The following ARHGEF10L variants were observed in gnomAD, a reference collection of about 807,000 sequenced individuals.
ARHGEF10L encodes Rho guanine nucleotide exchange factor 10 like.
A neutral mutation model predicts 141.2 loss-of-function variants in ARHGEF10L; 69 were observed. The observed-to-expected ratio is 0.49, with a 90% CI of 0.40 to 0.60. The LOEUF is 0.60. Among genes scored for constraint, ARHGEF10L ranks in the 20% least tolerant of loss-of-function variants. The pLI is 0.00. For missense variants in ARHGEF10L, 1,482 were observed against 1,734.3 expected, an observed-to-expected ratio of 0.85 and a Z score of 2.58; for synonymous variants, 711 against 718.5, an observed-to-expected ratio of 0.99 and a Z score of 0.17.
chr1:17,590,800 A>G (rs892182057), intron 4 of ARHGEF10L, among the ~76,000 whole-genome samples: 1 of 152,178 alleles, frequency 6.6e-6, no homozygotes, highest in Non-Finnish European at 1.5e-5. Context: ...CAGCCTGGCC[A>G]ACATGGTGAA....
the ARHGEF10L span, among the ~76,000 whole-genome samples, chr1:17,521,791 G>T: frequency 1.3e-5 from 2 of 152,140 alleles, no homozygotes; most frequent in Non-Finnish European, 2.9e-5. Flanking sequence ...TGCTACCATA[G>T]GAGAATGGGG....
At chr1:17,565,921 C>T (rs1010709981) in intron 1 of ARHGEF10L, among the ~76,000 whole-genome samples, 7 of 152,024 alleles carry the variant, frequency 4.6e-5, no homozygotes, top group Non-Finnish European at 7.4e-5. Context: ...GGTGCAGATA[C>T]AGACACAAGT....
At chr1:17,676,716 G>A (rs566461840) in intron 26 of ARHGEF10L, among the ~76,000 whole-genome samples, 1 of 152,098 alleles carries the variant, frequency 6.6e-6, no homozygotes, top group African/African-American at 2.4e-5. Context: ...GGCCCCCCAG[G>A]CTGCACTTGG....
intron 4 of ARHGEF10L, among the ~76,000 whole-genome samples, chr1:17,597,088 G>C (rs1406197394): frequency 6.6e-6 from 1 of 152,052 alleles, no homozygotes; most frequent in Non-Finnish European, 1.5e-5. Context: ...TGCTGGGAGG[G>C]GTCCTTTCCT....
chr1:17,632,377 G>C lies in ARHGEF10L; in HGVS notation c.1641G>C (p.Val547=), dbSNP rs1260753960. ...TGTGTGAGACGTTGACGGAGACCGT[G>C]TACGGTGACCGCGGGCAGCTAATTA... ...LLLCETLTET[V]YGDRGQLIKS... Residue 547 remains valine, a synonymous_variant, in exon 16 of 29, where the codon GTG becomes GTC. Coordinates refer to ENST00000361221, the MANE Select transcript of ARHGEF10L (RefSeq NM_018125.4). 1.2e-6 allele frequency: 2 copies of C among 1,614,220 alleles called. No homozygotes were observed. Among genetic ancestry groups the C allele is most frequent in the East Asian group, 4.5e-5 (2 of 44,872 alleles).
rs2080911929 is a variant in ARHGEF10L at position 17,603,721 on chromosome 1, A to G, written c.433+130A>G. 9 of 843,690 alleles carry G rather than the reference A, an allele frequency of 1.1e-5. No homozygotes were observed. In the South Asian group the frequency reaches 1.9e-4, roughly 17 times the overall value. The allele number at this position is 843,690 out of a possible 1,614,324, so 52.3% of individuals were successfully genotyped here. A position where few individuals can be genotyped will look rare whatever the true frequency, so the allele number is the denominator to read the frequency against. On this transcript the variant is annotated intron_variant, in intron 6 of 28. Transcript: ENST00000361221. The surrounding 1 kb of genome is among the most constrained non-coding windows in gnomAD (Gnocchi z 4.8). Reference sequence around the variant, plus strand: ...AGTGCCCCTCCTTCTTGTCTTTAGAAACAACTGTAGTCATCGGGGAGAATC... The same window carrying G: ...AGTGCCCCTCCTTCTTGTCTTTAGAGACAACTGTAGTCATCGGGGAGAATC...
chr1:17,524,422 A>ACACAC, the ARHGEF10L span, among the ~76,000 whole-genome samples: 15 of 80,804 alleles, frequency 1.9e-4, no homozygotes, highest in Admixed American at 1.7e-3. Flanking sequence ...CACACACACA[A>ACACAC]AATTAGCCTG....
intron 27 of ARHGEF10L, chr1:17,689,997 A>G: frequency 2.8e-6 from 1 of 358,684 alleles, no homozygotes; most frequent in South Asian, 2.1e-5. Context: ...CCCTTTAAGG[A>G]AGGAAGGGCA....
Position 17,558,779 on chromosome 1 carries a change from C to A in ARHGEF10L, c.-44+18829C>A, listed in dbSNP as rs1443164767. Among the ~76,000 whole-genome samples the A allele has an allele frequency of 6.6e-6, 1 of 152,152 alleles. No individual in the cohort carries two copies. Among genetic ancestry groups the A allele is most frequent in the East Asian group, 1.9e-4 (1 of 5,184 alleles). ...TGGGGAGATGAGTCAGAAAGGATGCCCTGTGAACCTCACTGAGGAGCTGTG... is the reference window on the plus strand; with the variant it reads ...TGGGGAGATGAGTCAGAAAGGATGCACTGTGAACCTCACTGAGGAGCTGTG... On this transcript the variant is annotated intron_variant, in intron 1 of 28. Transcript: ENST00000361221. This position sits in a 1 kb window ranked among gnomAD's most constrained non-coding sequence, Gnocchi z 4.2.
At position 17,644,905 on chromosome 1, in the gene ARHGEF10L, T is replaced by G. The variant is rs2061506884; in HGVS notation, c.2273-3649T>G. 6.6e-6 allele frequency among the ~76,000 whole-genome samples: 1 copy of G among 152,152 alleles called. No individual in the cohort carries two copies. Among genetic ancestry groups the G allele is most frequent in the Admixed American group, 6.5e-5 (1 of 15,270 alleles). ...TGCTCACAACTCCAGATGGTTGGCG[T>G]TCCTTCCCCCATTTTCTACATGAGG... On this transcript the variant is annotated intron_variant, in intron 21 of 28. Transcript: ENST00000361221. This position sits in a 1 kb window ranked among gnomAD's most constrained non-coding sequence, Gnocchi z 4.5.
the ARHGEF10L span, among the ~76,000 whole-genome samples, chr1:17,524,682 G>T: frequency 4.6e-5 from 7 of 152,172 alleles, no homozygotes; most frequent in African/African-American, 1.7e-4. Context: ...ACTCACTCAA[G>T]GTCACAGGAC....
chr1:17,619,360 T>C lies in ARHGEF10L; in HGVS notation c.857T>C (p.Met286Thr). ...DVLGDSEEED[M>T]GLLEVSVSDI... ...CCAGGTGACTCGGAGGAGGAGGACA[T>C]GGGGCTCCTGGAGGTCAGCGTTTCG... Residue 286 changes from methionine (M) to threonine (T), a missense_variant, in exon 10 of 29, where the codon ATG (methionine) becomes ACG (threonine). Met to Thr is a moderately conservative substitution (Grantham distance 81). This residue lies in a region of ARHGEF10L where 392 missense variants were observed against 542.1 expected (regional missense o/e 0.72). Transcript: ENST00000361221. The surrounding 1 kb of genome is among the most constrained non-coding windows in gnomAD (Gnocchi z 5.0). 6.2e-7 allele frequency: 1 copy of C among 1,613,036 alleles called. No individual in the cohort carries two copies. Among genetic ancestry groups the C allele is most frequent in the Non-Finnish European group, 8.5e-7 (1 of 1,179,826 alleles).
intron 17 of ARHGEF10L, 96 bp from the exon 18 acceptor site, chr1:17,634,739 C>A: frequency 1.4e-6 from 2 of 1,466,590 alleles, no homozygotes; most frequent in Non-Finnish European, 1.8e-6. Flanking sequence ...CTGCGTGAAG[C>A]CTGGCTGAGC....
intron 8 of ARHGEF10L, among the ~76,000 whole-genome samples, chr1:17,613,607 G>GT (rs1397339446): frequency 6.6e-6 from 1 of 152,194 alleles, no homozygotes; most frequent in Non-Finnish European, 1.5e-5. Context: ...ATTGAAAAAC[G>GT]TGAGTGTTGC....
rs534769695 is a variant in ARHGEF10L, at chr1:17,573,159, C to G, written c.-43-7394C>G. ...GGGCTTTGGGTAGGTCCCTTCCCAT[C>G]TGAGCCTCAGCTTCCCTGTGTCTAA... On this transcript the variant is annotated intron_variant, in intron 1 of 28. Transcript: ENST00000361221. The surrounding 1 kb of genome is among the most constrained non-coding windows in gnomAD (Gnocchi z 4.8). Among the ~76,000 whole-genome samples the G allele has an allele frequency of 6.6e-6, 1 of 152,168 alleles. No individual in the cohort carries two copies. The highest frequency in any genetic ancestry group is 1.5e-5 in the Non-Finnish European group (1 of 68,026).
At chr1:17,665,558 G>T (rs918862546) in intron 26 of ARHGEF10L, among the ~76,000 whole-genome samples, 2 of 152,136 alleles carry the variant, frequency 1.3e-5, no homozygotes, top group African/African-American at 2.4e-5. Flanking sequence ...AGGTGTTGTC[G>T]TTGGAGCCGG....
At position 17,656,145 on chromosome 1, in the gene ARHGEF10L, C is replaced by T; in HGVS notation, c.2705+43C>T. 1 of 1,539,876 alleles carries T rather than the reference C, an allele frequency of 6.5e-7. No homozygotes were observed. The highest frequency in any genetic ancestry group is 8.8e-7 in the Non-Finnish European group (1 of 1,140,010). ...AGGGGTGAGAGCAGCCTCTGCAGGGCTGGGCAGTGGGTGGGGGCTGTCCCT... is the reference window on the plus strand; with the variant it reads ...AGGGGTGAGAGCAGCCTCTGCAGGGTTGGGCAGTGGGTGGGGGCTGTCCCT... On this transcript the variant is annotated intron_variant, in intron 24 of 28. Transcript: ENST00000361221. The surrounding 1 kb of genome is among the most constrained non-coding windows in gnomAD (Gnocchi z 4.9).
rs192611726 is a variant in ARHGEF10L, at chr1:17,673,599, G to A, written c.3009+9004G>A. Among the ~76,000 whole-genome samples, 36 of 152,296 alleles carry A rather than the reference G, an allele frequency of 2.4e-4. No homozygotes were observed. The highest frequency in any genetic ancestry group is 7.7e-4 in the African/African-American group (32 of 41,546). ...TCAGGCAGAGTGGCCGCTACGCAAT[G>A]GTCCTCTGTGAGCCTGGCAGCGGGG... On this transcript the variant is annotated intron_variant, in intron 26 of 28. Transcript: ENST00000361221. The surrounding 1 kb of genome is among the most constrained non-coding windows in gnomAD (Gnocchi z 4.1).
chr1:17,665,354 A>T (rs2062908465), intron 26 of ARHGEF10L, among the ~76,000 whole-genome samples: 1 of 152,130 alleles, frequency 6.6e-6, no homozygotes, highest in African/African-American at 2.4e-5. Context: ...CCTGGCAGAG[A>T]CACTAAGTGG....
Sources: allele counts gnomAD v4.1 joint callset (sites outside exome capture counted in the v4.1 genomes callset), GRCh38; gene constraint gnomAD v4.1.1; regional missense constraint gnomAD v4.1.1; non-coding constraint Gnocchi (gnomAD v3.1); transcripts MANE v1.5; gene names NCBI Gene and HGNC (gene_info 2026-07-23, HGNC 2026-07-21).